The following TUSC3 variants were observed in gnomAD, a reference collection of about 807,000 sequenced individuals.
TUSC3 encodes the protein tumor suppressor candidate 3, also known as dolichyl-diphosphooligosaccharide--protein glycosyltransferase subunit TUSC3.
Under a neutral mutation model 44.8 loss-of-function variants are expected in TUSC3, and 45 were observed. The observed-to-expected ratio is 1.00, with a 90% confidence interval of 0.79 to 1.29. TUSC3 has a LOEUF of 1.29. Ranked by LOEUF, TUSC3 falls within the 50% of genes most tolerant of loss-of-function variation. TUSC3 has a pLI of 0.00. For missense variants in TUSC3, 519 were observed against 437.9 expected (o/e 1.19, Z -1.65); for synonymous variants, 212 against 152.9 (o/e 1.39, Z -2.85).
intron 1 of TUSC3, among the ~76,000 whole-genome samples, chr8:15,581,884 A>T (rs1238492550): frequency 1.5e-5 from 2 of 135,126 alleles, no homozygotes; most frequent in Non-Finnish European, 3.1e-5. Context: ...AAGCCTGGGC[A>T]ATGGCGGGCG....
chr8:15,826,700 C>T, the TUSC3 span, among the ~76,000 whole-genome samples: 105 of 152,210 alleles, frequency 6.9e-4, no homozygotes, highest in African/African-American at 2.5e-3. Flanking sequence ...CAGCCACCAT[C>T]ACCTGCATAG....
intron 2 of TUSC3, among the ~76,000 whole-genome samples, chr8:15,502,076 C>T (rs1158029000): frequency 6.6e-6 from 1 of 152,192 alleles, no homozygotes; most frequent in East Asian, 1.9e-4. Context: ...TTATCACCAT[C>T]TATCTATTCA....
At chr8:15,761,100 A>G (rs1812152324) in intron 10 of TUSC3, among the ~76,000 whole-genome samples, 1 of 152,200 alleles carries the variant, frequency 6.6e-6, no homozygotes, top group Non-Finnish European at 1.5e-5. Context: ...GCTGATTGAA[A>G]CAGACTTTTG....
chr8:15,775,567 A>T, the TUSC3 span, among the ~76,000 whole-genome samples: 1 of 151,898 alleles, frequency 6.6e-6, no homozygotes, highest in African/African-American at 2.4e-5. Context: ...TCCGGACTTC[A>T]GTGTCCCAGT....
intron 2 of TUSC3, among the ~76,000 whole-genome samples, chr8:15,534,459 C>T (rs931653108): frequency 1.9e-4 from 29 of 151,886 alleles, no homozygotes; most frequent in Middle Eastern, 3.4e-3. Flanking sequence ...CAAACTAACA[C>T]GGTGAAACCC....
intron 6 of TUSC3, among the ~76,000 whole-genome samples, chr8:15,723,640 C>A (rs954181857): frequency 1.3e-5 from 2 of 152,012 alleles, no homozygotes; most frequent in Admixed American, 1.3e-4. Context: ...TCAAAGAAGG[C>A]CCCAAGGATA....
In TUSC3 at chr8:15,448,108, C is replaced by CATATACATATATATATAT. The variant is rs55661131; in HGVS notation, n.91+30808_91+30809insCATATATATATATATATA. On this transcript the variant is annotated intron_variant and non_coding_transcript_variant, in intron 1 of 5. Coordinates refer to the TUSC3 transcript ENST00000503191. ...ATTCAACTGTATGGTAGTGTATATA[C>CATATACATATATATATAT]ATATATATATATTTATTTATTTATT... Among the ~76,000 whole-genome samples, 18 of 96,428 alleles carry CATATACATATATATATAT rather than the reference C, an allele frequency of 1.9e-4. 1 individual carries two copies. The highest frequency in any genetic ancestry group is 6.7e-4 in the African/African-American group (13 of 19,326). 63.3% of individuals were successfully genotyped at this position (96,428 alleles called of 152,430 possible). A position where few individuals can be genotyped will look rare whatever the true frequency, so the allele number is the denominator to read the frequency against.
intron 1 of TUSC3, among the ~76,000 whole-genome samples, chr8:15,465,589 A>G (rs1233550827): frequency 6.6e-6 from 1 of 152,352 alleles, no homozygotes; most frequent in East Asian, 1.9e-4. Flanking sequence ...GTTTTGCTCC[A>G]TAAAACTGCA....
At chr8:15,757,411 G>A (rs1409314567) in intron 9 of TUSC3, among the ~76,000 whole-genome samples, 1 of 152,050 alleles carries the variant, frequency 6.6e-6, no homozygotes, top group Non-Finnish European at 1.5e-5. Context: ...GTACAGCAAG[G>A]CAAAAATTCC....
intron 2 of TUSC3, among the ~76,000 whole-genome samples, 186 bp from the exon 3 acceptor site, chr8:15,650,505 AGAATTT>A (rs1439605548): frequency 1.3e-5 from 2 of 152,176 alleles, no homozygotes; most frequent in Non-Finnish European, 2.9e-5. Context: ...TATGAACATC[AGAATTT>A]GAATTTTATG....
the TUSC3 span, among the ~76,000 whole-genome samples, chr8:15,789,750 A>C: frequency 6.6e-6 from 1 of 152,182 alleles, no homozygotes; most frequent in Non-Finnish European, 1.5e-5. Context: ...TGGGGCTGCA[A>C]TAAGAAACAG....
At chr8:15,730,045 A>G (rs1563194060) in intron 6 of TUSC3, among the ~76,000 whole-genome samples, 1 of 152,204 alleles carries the variant, frequency 6.6e-6, no homozygotes, top group East Asian at 1.9e-4. Flanking sequence ...AGTCACTGAT[A>G]TTCGTAAGAG....
the TUSC3 span, among the ~76,000 whole-genome samples, chr8:15,798,655 G>GA: frequency 6.7e-6 from 1 of 148,352 alleles, no homozygotes; most frequent in Non-Finnish European, 1.5e-5. Context: ...TGTGTGGGGG[G>GA]GGTCCTCTTA....
chr8:15,488,483 C>G lies in TUSC3; in HGVS notation n.189+5000C>G, dbSNP rs146766040. 3.9e-5 allele frequency among the ~76,000 whole-genome samples: 6 copies of G among 152,226 alleles called. No homozygotes were observed. The East Asian group carries it at 1.2e-3, about 30-fold the overall frequency. On this transcript the variant is annotated intron_variant and non_coding_transcript_variant, in intron 2 of 5. Transcript: ENST00000503191. Reference sequence around the variant, plus strand: ...CACCACTGCACTCCAGCCTGGGTGTCAGAGTAAGACCCTCTCTCAAAAATA... The same window carrying G: ...CACCACTGCACTCCAGCCTGGGTGTGAGAGTAAGACCCTCTCTCAAAAATA...
chr8:15,741,013 A>G (rs963267109), intron 7 of TUSC3, among the ~76,000 whole-genome samples: 1 of 152,200 alleles, frequency 6.6e-6, no homozygotes, highest in African/African-American at 2.4e-5. Flanking sequence ...CATTGTAACA[A>G]TACAGAGGGA....
intron 6 of TUSC3, among the ~76,000 whole-genome samples, chr8:15,714,305 T>A (rs1809979676): frequency 1.3e-5 from 2 of 152,172 alleles, no homozygotes; most frequent in African/African-American, 4.8e-5. Flanking sequence ...GTATATATGT[T>A]GTTTTTAAAT....
chr8:15,756,616 C>T (rs1395706016), intron 9 of TUSC3, among the ~76,000 whole-genome samples: 1 of 152,056 alleles, frequency 6.6e-6, no homozygotes, highest in Non-Finnish European at 1.5e-5. Flanking sequence ...ATAGTAGGTG[C>T]TCATCATATA....
At chr8:15,498,499 C>A (rs921444898) in intron 2 of TUSC3, among the ~76,000 whole-genome samples, 4 of 152,116 alleles carry the variant, frequency 2.6e-5, no homozygotes, top group African/African-American at 9.7e-5. Flanking sequence ...AGGTGAGTTG[C>A]CAAGGAATCC....
intron 6 of TUSC3, among the ~76,000 whole-genome samples, chr8:15,682,196 G>C (rs948458780): frequency 6.6e-6 from 1 of 152,056 alleles, no homozygotes; most frequent in Admixed American, 6.6e-5. Context: ...TTGAATTTAA[G>C]TTCAGAATTT....
Sources: allele counts gnomAD v4.1 joint callset (sites outside exome capture counted in the v4.1 genomes callset), GRCh38; gene constraint gnomAD v4.1.1; transcripts MANE v1.5; gene names NCBI Gene and HGNC (gene_info 2026-07-23, HGNC 2026-07-21).